Variants in GEMIN8 observed in about 807,000 individuals in gnomAD.
The protein encoded by GEMIN8 is gem nuclear organelle associated protein 8, also known as gem-associated protein 8.
For synonymous variants in GEMIN8, 80 were observed against 78.5 expected (o/e 1.02, Z -0.10); for missense variants, 185 against 205.9 (o/e 0.90, Z 0.62).
intron 4 of GEMIN8, chrX:14,014,165 A>G (rs1392189830): frequency 1.3e-6 from 1 of 751,642 alleles, no homozygotes; most frequent in Admixed American, 8.7e-5. Context: ...AGTGGCAAAG[A>G]ATGTTTTTTC....
chrX:14,024,538 G>A (rs1924571427), intron 2 of GEMIN8, among the ~76,000 whole-genome samples: 1 of 110,344 alleles, frequency 9.1e-6, no homozygotes, highest in Non-Finnish European at 1.9e-5. Context: ...GAAGAGGGAG[G>A]GAGCACTAGT....
In GEMIN8 at chrX:14,020,019, A is replaced by G. The variant is rs1046441042; in HGVS notation, c.472+59T>C. On this transcript the variant is annotated intron_variant, in intron 4 of 4. Coordinates refer to ENST00000680255, the MANE Select transcript of GEMIN8 (RefSeq NM_001042479.2). ...AAAATTACTTTATATATTAGAGAAA[A>G]AAAATGTAAAAGGCAGGGCAAGGAA... 4 of 664,901 alleles carry G rather than the reference A, an allele frequency of 6.0e-6. No individual in the cohort carries two copies. In the African/African-American group the frequency reaches 8.8e-5, roughly 15 times the overall value. 54.8% of individuals were successfully genotyped at this position (664,901 alleles called of 1,213,427 possible).
chrX:14,021,814 G>GTATGTATATATATATATA (rs1924340772), intron 2 of GEMIN8, among the ~76,000 whole-genome samples: 1 of 78,287 alleles, frequency 1.3e-5, no homozygotes, highest in African/African-American at 5.2e-5. Flanking sequence ...TAATGTGTGT[G>GTATGTATATATATATATA]TATATATATA....
At chrX:14,019,477 G>A (rs1214648298) in intron 4 of GEMIN8, among the ~76,000 whole-genome samples, 1 of 111,902 alleles carries the variant, frequency 8.9e-6, no homozygotes, top group South Asian at 3.8e-4. Context: ...CAGGCATTTC[G>A]TTACTCTGTT....
rs575651297 is a variant in GEMIN8 at position 14,011,516 on chromosome X, C to CTTTTTTTTTTTT, written c.473-2359_473-2348dup. On this transcript the variant is annotated intron_variant, in intron 4 of 4. Coordinates refer to ENST00000680255, the MANE Select transcript of GEMIN8 (RefSeq NM_001042479.2). Reference sequence around the variant, plus strand: ...TACCCATTACCAATCCTATGGCTCTCTTTTTTTTTTTTTTTTTTTTTTTTT... The same window carrying CTTTTTTTTTTTT: ...TACCCATTACCAATCCTATGGCTCTCTTTTTTTTTTTTTTTTTTTTTTTTTTTTTTTTTTTTT... Among the ~76,000 whole-genome samples the CTTTTTTTTTTTT allele has an allele frequency of 1.5e-4, 9 of 60,386 alleles. 1 individual carries two copies. Among genetic ancestry groups the CTTTTTTTTTTTT allele is most frequent in the African/African-American group, 6.2e-4 (9 of 14,421 alleles). The allele number at this position is 60,386 out of a possible 115,157, so 52.4% of individuals were successfully genotyped here.
the GEMIN8 span, among the ~76,000 whole-genome samples, chrX:13,984,827 A>G: frequency 9.0e-6 from 1 of 111,683 alleles, no homozygotes; most frequent in Admixed American, 9.5e-5. Flanking sequence ...GCTCTGGGAA[A>G]CAGTATAGAA....
chrX:14,005,505 A>C (rs1923115409), downstream of GEMIN8, among the ~76,000 whole-genome samples: 1 of 111,877 alleles, frequency 8.9e-6, no homozygotes, highest in South Asian at 3.8e-4. Context: ...TACCTTGCCC[A>C]ATGCATCTCT....
intron 3 of GEMIN8, 38 bp downstream of exon 3, chrX:14,021,426 A>C: frequency 3.8e-6 from 3 of 787,869 alleles, no homozygotes; most frequent in Non-Finnish European, 3.8e-6. Flanking sequence ...TTTTTTACTT[A>C]CGAGCTCAAA....
the GEMIN8 span, among the ~76,000 whole-genome samples, chrX:13,990,679 G>A: frequency 8.9e-6 from 1 of 112,599 alleles, no homozygotes; most frequent in South Asian, 3.7e-4. Context: ...TATGTAAAGA[G>A]ATGTATTTTT....
At chrX:13,994,484 A>AAATTTTT in the GEMIN8 span, among the ~76,000 whole-genome samples, 1 of 112,596 alleles carries the variant, frequency 8.9e-6, no homozygotes, top group Non-Finnish European at 1.9e-5. Flanking sequence ...TTGTTACTTT[A>AAATTTTT]AAAATTTTTT....
Position 14,021,935 on chromosome X carries a change from CACACATATATATGTATATGTATGTAT to C in GEMIN8, c.-33-450_-33-425del, listed in dbSNP as rs1225916841. 7.4e-5 allele frequency among the ~76,000 whole-genome samples: 7 copies of C among 95,023 alleles called. No individual in the cohort carries two copies. In the South Asian group the frequency reaches 2.5e-3, roughly 33 times the overall value. The allele number at this position is 95,023 out of a possible 115,157, so 82.5% of individuals were successfully genotyped here. A position where few individuals can be genotyped will look rare whatever the true frequency, so the allele number is the denominator to read the frequency against. On this transcript the variant is annotated intron_variant, in intron 2 of 4. Transcript: ENST00000680255. ...GTATATGTATAATGTATAATGTATA[CACACATATATATGTATATGTATGTAT>C]ACACATATATATGTGTGTATATATA...
rs187697107 is a variant in GEMIN8, at chrX:14,019,036, T to C, written c.472+1042A>G. Reference sequence around the variant, plus strand: ...CGGACGAAGATACTAAAGGATATAATATTTTATACAAAGCCCAGTGCTCAG... The same window carrying C: ...CGGACGAAGATACTAAAGGATATAACATTTTATACAAAGCCCAGTGCTCAG... On this transcript the variant is annotated intron_variant, in intron 4 of 4. Transcript: ENST00000680255. Among the ~76,000 whole-genome samples, 368 of 112,166 alleles carry C rather than the reference T, an allele frequency of 3.3e-3. 1 individual carries two copies. The highest frequency in any genetic ancestry group is 0.011 in the African/African-American group (353 of 30,911).
chrX:14,022,139 T>C (rs1316386479), intron 2 of GEMIN8, among the ~76,000 whole-genome samples: 2 of 106,416 alleles, frequency 1.9e-5, no homozygotes, highest in African/African-American at 6.8e-5. Flanking sequence ...CTTTATTTAC[T>C]AATCCTTAAC....
the GEMIN8 span, among the ~76,000 whole-genome samples, chrX:14,000,424 G>A: frequency 9.0e-6 from 1 of 110,538 alleles, no homozygotes; most frequent in African/African-American, 3.3e-5. Context: ...GTGAAACCCC[G>A]TCTCTACTAA....
chrX:14,011,516 CTTTTTTTTTTTTTTT>C (rs575651297), intron 4 of GEMIN8, among the ~76,000 whole-genome samples: 4 of 60,401 alleles, frequency 6.6e-5, no homozygotes, highest in Non-Finnish European at 1.2e-4. Flanking sequence ...CTATGGCTCT[CTTTTTTTTTTTTTTT>C]TTTTTTTTTT....
chrX:14,025,966 A>C, intron 2 of GEMIN8, 174 bp downstream of exon 2: 1 of 477,992 alleles, frequency 2.1e-6, no homozygotes, highest in Non-Finnish European at 2.6e-6. Context: ...GGAGAACTTA[A>C]GGAGCTAATA....
chrX:14,021,496 C>T lies in GEMIN8; in HGVS notation c.-18G>A, dbSNP rs750742522. 3 of 1,163,512 alleles carry T rather than the reference C, an allele frequency of 2.6e-6. No homozygotes were observed. In the South Asian group the frequency reaches 5.4e-5, roughly 21 times the overall value. Reference sequence around the variant, plus strand: ...GCTGCCATCTCTGATTGTGAAAGTCCAAATGGGTGCTGAAACTAGGAAAGA... The same window carrying T: ...GCTGCCATCTCTGATTGTGAAAGTCTAAATGGGTGCTGAAACTAGGAAAGA... On this transcript the variant is annotated 5_prime_UTR_variant, in exon 3 of 5. Coordinates refer to ENST00000680255, the MANE Select transcript of GEMIN8 (RefSeq NM_001042479.2).
chrX:14,002,242 T>C (rs908270756), downstream of GEMIN8, among the ~76,000 whole-genome samples: 3 of 109,619 alleles, frequency 2.7e-5, no homozygotes, highest in Admixed American at 2.0e-4. Flanking sequence ...CTGTGACTGG[T>C]AATTAGACAT....
chrX:14,023,201 T>C (rs1482080568), intron 2 of GEMIN8, among the ~76,000 whole-genome samples: 2 of 112,052 alleles, frequency 1.8e-5, no homozygotes, highest in Non-Finnish European at 3.8e-5. Context: ...CCTGAAAACC[T>C]AGCTAACTGC....
Sources: gnomAD v4.1 joint callset for allele counts (sites outside exome capture counted in the v4.1 genomes callset) on GRCh38, gnomAD v4.1.1 for gene constraint, MANE v1.5 for transcripts, NCBI Gene and HGNC (gene_info 2026-07-23, HGNC 2026-07-21) for gene names.